DLC1: variants seen among roughly 807,000 people sequenced by gnomAD.
DLC1 encodes the protein DLC1 Rho GTPase activating protein, also known as rho GTPase-activating protein 7.
In DLC1, 54 loss-of-function variants were observed where a neutral mutation model predicts 140.3. That is an observed-to-expected ratio of 0.38 (90% CI 0.31 to 0.48). The LOEUF (loss-of-function observed/expected upper bound fraction) is 0.48, where lower values mean the gene tolerates loss of function less well. Ranked by LOEUF, DLC1 falls within the 20% of genes least tolerant of loss-of-function variation. The probability of loss-of-function intolerance (pLI) is 0.96; values close to 1 mark genes in which losing one functional copy is unlikely to be tolerated. For missense variants in DLC1, 2,536 were observed against 1,907.0 expected (o/e 1.33, Z -6.14); for synonymous variants, 986 against 728.1 (o/e 1.35, Z -5.70).
At chr8:13,422,796 GCT>G (rs1838378399) in intron 2 of DLC1, among the ~76,000 whole-genome samples, 1 of 142,984 alleles carries the variant, frequency 7.0e-6, no homozygotes, top group Non-Finnish European at 1.6e-5. Flanking sequence ...CAAACAACCA[GCT>G]AAAAAAAAAA....
chr8:13,566,499 T>C (rs771139813), intron 1 of DLC1, among the ~76,000 whole-genome samples: 1 of 152,088 alleles, frequency 6.6e-6, no homozygotes, highest in Non-Finnish European at 1.5e-5. Context: ...CTATAAACAC[T>C]GCAGACAAGT....
chr8:13,358,239 C>T (rs962790759), intron 4 of DLC1, among the ~76,000 whole-genome samples: 5 of 152,208 alleles, frequency 3.3e-5, no homozygotes, highest in African/African-American at 1.2e-4. Flanking sequence ...TTCCATCCTA[C>T]AAACACGCAT....
chr8:13,246,494 GAGA>G (rs1377661735), intron 5 of DLC1, among the ~76,000 whole-genome samples: 9 of 152,220 alleles, frequency 5.9e-5, no homozygotes, highest in East Asian at 1.9e-4. Flanking sequence ...CTTACGGAGA[GAGA>G]AGGAGAGAGT....
intron 5 of DLC1, among the ~76,000 whole-genome samples, chr8:13,126,900 A>C (rs1821629564): frequency 6.6e-6 from 1 of 152,226 alleles, no homozygotes; most frequent in African/African-American, 2.4e-5. Context: ...ACGTCTATTA[A>C]AAAAACTGCT....
At position 13,154,078 on chromosome 8, in the gene DLC1, G is replaced by T. The variant is rs142526727; in HGVS notation, c.1349-38421C>A. Among the ~76,000 whole-genome samples, 596 of 152,294 alleles carry T rather than the reference G, an allele frequency of 3.9e-3. 4 individuals carry two copies. The highest frequency in any genetic ancestry group is 0.013 in the African/African-American group (539 of 41,574). On this transcript the variant is annotated intron_variant, in intron 5 of 17. Transcript: ENST00000276297. ...GCTGATTGGTGCATTTACAAACCCT[G>T]AGCTAGACTCAGGGTGGTGATTGGT...
At chr8:13,565,274 A>G (rs1804386578) in intron 1 of DLC1, among the ~76,000 whole-genome samples, 1 of 152,220 alleles carries the variant, frequency 6.6e-6, no homozygotes, top group African/African-American at 2.4e-5. Context: ...ATTACCCCAG[A>G]CATTTGGCAT....
intron 1 of DLC1, among the ~76,000 whole-genome samples, chr8:13,596,693 T>C (rs1160487895): frequency 6.6e-6 from 1 of 152,116 alleles, no homozygotes; most frequent in Non-Finnish European, 1.5e-5. Flanking sequence ...TTTATAAATT[T>C]TCCTAGGAAC....
At chr8:13,354,532 A>AC (rs376436603) in intron 4 of DLC1, among the ~76,000 whole-genome samples, 1 of 151,752 alleles carries the variant, frequency 6.6e-6, no homozygotes, top group Admixed American at 6.6e-5. Flanking sequence ...AGTTAAAAAA[A>AC]TAACTGAACT....
chr8:13,348,523 A>G (rs1834478440), intron 4 of DLC1, among the ~76,000 whole-genome samples: 1 of 152,210 alleles, frequency 6.6e-6, no homozygotes, highest in South Asian at 2.1e-4. Flanking sequence ...ACCAGTTAGA[A>G]GGTTGTTGCT....
chr8:13,555,584 T>G (rs1168939024), intron 1 of DLC1, among the ~76,000 whole-genome samples: 1 of 152,056 alleles, frequency 6.6e-6, no homozygotes. Context: ...CTCCTCCTCC[T>G]GGGTACAAGC....
chr8:13,598,529 T>G (rs371981031), intron 1 of DLC1, among the ~76,000 whole-genome samples: 1 of 152,108 alleles, frequency 6.6e-6, no homozygotes, highest in South Asian at 2.1e-4. Flanking sequence ...ACTATTTTAG[T>G]AATCTATTAC....
At chr8:13,108,044 C>CA (rs1819731045) in intron 7 of DLC1, among the ~76,000 whole-genome samples, 1 of 151,572 alleles carries the variant, frequency 6.6e-6, no homozygotes, top group African/African-American at 2.4e-5. Context: ...GACTCCATCT[C>CA]AAAAAAATAA....
chr8:13,201,595 T>C (rs1407191967), intron 5 of DLC1, among the ~76,000 whole-genome samples: 5 of 152,012 alleles, frequency 3.3e-5, no homozygotes, highest in Non-Finnish European at 5.9e-5. Flanking sequence ...TTCAAGTTAT[T>C]TAAGTACTAT....
At chr8:13,152,472 C>T (rs1823892992) in intron 5 of DLC1, among the ~76,000 whole-genome samples, 1 of 152,260 alleles carries the variant, frequency 6.6e-6, no homozygotes, top group African/African-American at 2.4e-5. Flanking sequence ...ATGAATTATT[C>T]TTAGTTAATG....
chr8:13,290,123 T>G (rs1465973701), intron 5 of DLC1, among the ~76,000 whole-genome samples: 1 of 152,206 alleles, frequency 6.6e-6, no homozygotes, highest in Non-Finnish European at 1.5e-5. Context: ...ATATTTATAA[T>G]AAAATGTGAC....
At chr8:13,579,235 G>C in intron 1 of DLC1, among the ~76,000 whole-genome samples, 1 of 24,972 alleles carries the variant, frequency 4.0e-5, no homozygotes, top group Non-Finnish European at 9.4e-5. Context: ...TCTAATTGAG[G>C]AACAGGGAGC....
At chr8:13,214,595 G>C (rs1668258196) in intron 5 of DLC1, 1 of 711,180 alleles carries the variant, frequency 1.4e-6, no homozygotes, top group East Asian at 2.5e-5. Context: ...GAGGAAATTG[G>C]AGTGCAGTGT....
At chr8:13,362,370 A>G in intron 4 of DLC1, among the ~76,000 whole-genome samples, 1 of 152,148 alleles carries the variant, frequency 6.6e-6, no homozygotes, top group East Asian at 1.9e-4. Context: ...GAGGCAGCAA[A>G]GCGTGAAATT....
At chr8:13,416,182 T>G (rs1182771357) in intron 2 of DLC1, among the ~76,000 whole-genome samples, 1 of 152,170 alleles carries the variant, frequency 6.6e-6, no homozygotes, top group Non-Finnish European at 1.5e-5. Context: ...TTGGTCCTGT[T>G]TCACTGTCTT....
Sources: gnomAD v4.1 joint callset for allele counts (sites outside exome capture counted in the v4.1 genomes callset) on GRCh38, gnomAD v4.1.1 for gene constraint, MANE v1.5 for transcripts, NCBI Gene and HGNC (gene_info 2026-07-23, HGNC 2026-07-21) for gene names.